The following COL26A1 variants were observed in gnomAD, a reference collection of about 807,000 sequenced individuals.
The protein encoded by COL26A1 is collagen type XXVI alpha 1 chain.
COL26A1 carries 41 observed loss-of-function variants against 59.3 expected under a neutral mutation model. That is an observed-to-expected ratio of 0.69 (90% confidence interval 0.54 to 0.90). COL26A1 has a LOEUF of 0.90. Among genes scored for constraint, COL26A1 ranks in the 40% least tolerant of loss-of-function variants. The pLI, the probability that COL26A1 is intolerant of heterozygous loss-of-function variation, is 0.00. For missense variants in COL26A1, 612 were observed against 602.3 expected (o/e 1.02, Z -0.17); for synonymous variants, 266 against 256.0 (o/e 1.04, Z -0.37).
At chr7:101,539,713 G>A (rs1469212852) in intron 4 of COL26A1, among the ~76,000 whole-genome samples, 180 bp from the exon 5 acceptor site, 2 of 152,164 alleles carry the variant, frequency 1.3e-5, no homozygotes, top group Non-Finnish European at 1.5e-5. Context: ...AGGAGGAGAG[G>A]GCTGGGATGG....
intron 3 of COL26A1, among the ~76,000 whole-genome samples, chr7:101,483,748 C>A (rs1390474253): frequency 1.3e-5 from 2 of 151,508 alleles, no homozygotes; most frequent in African/African-American, 4.9e-5. Flanking sequence ...GATCTCAGCT[C>A]ACTGCAACCT....
chr7:101,401,190 G>C (rs17133749), intron 1 of COL26A1, among the ~76,000 whole-genome samples: 49,752 of 152,024 alleles, frequency 0.33, 9,017 homozygotes, highest in African/African-American at 0.48. Context: ...CCTTCAAGCC[G>C]TCTGGACAGT....
chr7:101,534,037 G>A (rs1795426679), intron 4 of COL26A1, among the ~76,000 whole-genome samples: 1 of 152,238 alleles, frequency 6.6e-6, no homozygotes, highest in Non-Finnish European at 1.5e-5. Context: ...TGGTAAGCAG[G>A]CTCTGGTGTT....
At chr7:101,403,566 C>A (rs1322001837) in intron 1 of COL26A1, among the ~76,000 whole-genome samples, 1 of 152,006 alleles carries the variant, frequency 6.6e-6, no homozygotes, top group African/African-American at 2.4e-5. Flanking sequence ...TTTGTAGAGA[C>A]CAGGTCTTGC....
chr7:101,448,618 G>A (rs1032486409), intron 3 of COL26A1, among the ~76,000 whole-genome samples: 2 of 151,726 alleles, frequency 1.3e-5, no homozygotes, highest in Admixed American at 6.6e-5. Context: ...TCACCCTCCT[G>A]TGCAGTTGGG....
chr7:101,489,683 T>A (rs1469412461), intron 3 of COL26A1, among the ~76,000 whole-genome samples: 1 of 20,068 alleles, frequency 5.0e-5, no homozygotes, highest in African/African-American at 4.9e-4. Flanking sequence ...CTTCCTTCCT[T>A]TCTTTCTTTC....
intron 1 of COL26A1, among the ~76,000 whole-genome samples, chr7:101,380,805 G>A (rs1414001648): frequency 2.0e-5 from 3 of 152,144 alleles, no homozygotes; most frequent in Non-Finnish European, 2.9e-5. Context: ...TTTGTTAAAA[G>A]CTCTTAGAGC....
At chr7:101,376,524 G>A (rs1023055092) in intron 1 of COL26A1, among the ~76,000 whole-genome samples, 4 of 152,112 alleles carry the variant, frequency 2.6e-5, no homozygotes, top group Admixed American at 1.3e-4. Context: ...ATAGGTTTCC[G>A]GTGCTCTCCC....
At chr7:101,409,880 C>G (rs1792204851) in intron 1 of COL26A1, among the ~76,000 whole-genome samples, 1 of 152,138 alleles carries the variant, frequency 6.6e-6, no homozygotes, top group African/African-American at 2.4e-5. Flanking sequence ...CCTGTTTCAG[C>G]CTCCCGAGTA....
intron 8 of COL26A1, among the ~76,000 whole-genome samples, chr7:101,547,749 TTTTATTCATTCA>T (rs1166328251): frequency 6.6e-5 from 10 of 152,244 alleles, no homozygotes; most frequent in Middle Eastern, 3.2e-3. Context: ...TCATTCATTC[TTTTATTCATTCA>T]TTTATTCATT....
At chr7:101,422,425 A>G (rs183409928) in intron 2 of COL26A1, among the ~76,000 whole-genome samples, 2 of 145,520 alleles carry the variant, frequency 1.4e-5, no homozygotes, top group East Asian at 2.0e-4. Context: ...GGGTACAGAC[A>G]CTCCCTATCC....
At chr7:101,508,810 C>G (rs541932484) in intron 3 of COL26A1, among the ~76,000 whole-genome samples, 2 of 152,166 alleles carry the variant, frequency 1.3e-5, no homozygotes, top group African/African-American at 4.8e-5. Flanking sequence ...ACCTTCCCAC[C>G]TGTATTAGTT....
intron 1 of COL26A1, among the ~76,000 whole-genome samples, chr7:101,399,739 G>A (rs940259152): frequency 2.0e-5 from 3 of 152,184 alleles, no homozygotes; most frequent in African/African-American, 4.8e-5. Flanking sequence ...GATTACAGGC[G>A]TGAGCCATTG....
intron 3 of COL26A1, among the ~76,000 whole-genome samples, chr7:101,481,358 T>G (rs1794149679): frequency 1.3e-5 from 2 of 151,266 alleles, no homozygotes; most frequent in Admixed American, 1.3e-4. Flanking sequence ...TTCTCTTTAT[T>G]CTTGTAAGCA....
intron 1 of COL26A1, among the ~76,000 whole-genome samples, chr7:101,411,223 C>T (rs1310157975): frequency 1.3e-5 from 2 of 152,180 alleles, no homozygotes; most frequent in African/African-American, 4.8e-5. Flanking sequence ...CAGAACTTTA[C>T]CAGGCCTGCC....
At chr7:101,363,974 C>T (rs946883294) in intron 1 of COL26A1, among the ~76,000 whole-genome samples, 38 of 152,288 alleles carry the variant, frequency 2.5e-4, no homozygotes, top group African/African-American at 8.2e-4. Flanking sequence ...GGAGGATCCT[C>T]GGCTGCGACT....
chr7:101,462,410 G>C lies in COL26A1; in HGVS notation c.385+14623G>C, dbSNP rs557251679. Among the ~76,000 whole-genome samples, 80 of 152,098 alleles carry C rather than the reference G, an allele frequency of 5.3e-4. No homozygotes were observed. In the South Asian group the frequency reaches 0.012, roughly 24 times the overall value. Reference sequence around the variant, plus strand: ...CGGCTCACTGCAACCTCTGCCTCCTGGGTTCAAGCAATTCTCCTGCCTCAG... The same window carrying C: ...CGGCTCACTGCAACCTCTGCCTCCTCGGTTCAAGCAATTCTCCTGCCTCAG... On this transcript the variant is annotated intron_variant, in intron 3 of 12. Transcript: ENST00000313669.
chr7:101,515,584 C>CTTT (rs36025647), intron 3 of COL26A1, among the ~76,000 whole-genome samples: 1 of 140,812 alleles, frequency 7.1e-6, no homozygotes, highest in Non-Finnish European at 1.6e-5. Flanking sequence ...ATGTCTGGCT[C>CTTT]TTTTTTTTTT....
chr7:101,412,604 C>T (rs994821463), intron 1 of COL26A1, among the ~76,000 whole-genome samples: 6 of 145,132 alleles, frequency 4.1e-5, no homozygotes, highest in African/African-American at 1.3e-4. Context: ...AAGATTGCAT[C>T]GCTGCCCTTC....
Sources: allele counts gnomAD v4.1 joint callset (sites outside exome capture counted in the v4.1 genomes callset), GRCh38; gene constraint gnomAD v4.1.1; transcripts MANE v1.5; gene names NCBI Gene and HGNC (gene_info 2026-07-23, HGNC 2026-07-21).